The following TEX11 variants were observed in gnomAD, a reference collection of about 807,000 sequenced individuals.
TEX11 encodes testis-expressed protein 11.
In TEX11, 7 loss-of-function variants were observed where a neutral mutation model predicts 84.4. The ratio of observed to expected loss-of-function variants is 0.08; its 90% CI spans 0.05 to 0.16. The LOEUF is 0.16. Among genes scored for constraint, TEX11 ranks in the 10% least tolerant of loss-of-function variants. The pLI is 1.00. For synonymous variants in TEX11, 264 were observed against 222.8 expected (o/e 1.18, Z -1.64); for missense variants, 551 against 660.5 (o/e 0.83, Z 1.82).
chrX:70,678,906 G>C lies in TEX11; in HGVS notation c.1157-17C>G. On this transcript the variant is annotated splice_polypyrimidine_tract_variant and intron_variant, in intron 14 of 29. Coordinates refer to ENST00000374333, the MANE Select transcript of TEX11 (RefSeq NM_031276.3). ...TTTGGTGAGCTGAAAAAAAAAAAAA[G>C]CTCTGAAAATAAGAATCTCGGTCTA... 1 of 953,472 alleles carries C rather than the reference G, an allele frequency of 1.0e-6. No individual in the cohort carries two copies. The highest frequency in any genetic ancestry group is 2.1e-5 in the South Asian group (1 of 47,016). 78.6% of individuals were successfully genotyped at this position (953,472 alleles called of 1,213,427 possible).
chrX:70,611,345 G>T (rs1438566987), intron 20 of TEX11, among the ~76,000 whole-genome samples: 1 of 111,787 alleles, frequency 8.9e-6, no homozygotes, highest in Non-Finnish European at 1.9e-5. Flanking sequence ...GGGAGTCATA[G>T]CTTACTAGAG....
chrX:70,838,110 T>A (rs897083655), intron 7 of TEX11, among the ~76,000 whole-genome samples: 16 of 112,186 alleles, frequency 1.4e-4, no homozygotes, highest in Admixed American at 2.9e-4. Flanking sequence ...TTCAAAATTT[T>A]AAAAAATTTT....
intron 9 of TEX11, among the ~76,000 whole-genome samples, chrX:70,782,652 A>AAAAAAAAAAAAAAAAAAAAC (rs1569439773): frequency 9.8e-6 from 1 of 102,310 alleles, no homozygotes; most frequent in African/African-American, 3.6e-5. Context: ...AAGCAAAAAA[A>AAAAAAAAAAAAAAAAAAAAC]AAAAAAAAAA....
At chrX:70,814,302 T>C (rs2091274918) in intron 8 of TEX11, among the ~76,000 whole-genome samples, 1 of 111,231 alleles carries the variant, frequency 9.0e-6, no homozygotes. Context: ...ATACCACACA[T>C]CTACAACCAT....
chrX:70,724,812 A>G (rs1023898991), intron 12 of TEX11, among the ~76,000 whole-genome samples: 2 of 111,715 alleles, frequency 1.8e-5, no homozygotes, highest in Admixed American at 1.9e-4. Flanking sequence ...AGCAAAGTTA[A>G]GTGACTTGCC....
chrX:70,520,309 A>G, the TEX11 span, among the ~76,000 whole-genome samples: 2 of 111,294 alleles, frequency 1.8e-5, no homozygotes, highest in African/African-American at 6.5e-5. Context: ...TTTGGTGTGG[A>G]TGTCCTTTTT....
intron 17 of TEX11, among the ~76,000 whole-genome samples, chrX:70,644,800 A>T (rs1429331886): frequency 2.1e-5 from 2 of 93,158 alleles, no homozygotes; most frequent in Non-Finnish European, 4.3e-5. Context: ...GAGGGATAGC[A>T]TTGGGAGATA....
chrX:70,594,304 G>A (rs2088975031), intron 24 of TEX11, among the ~76,000 whole-genome samples: 1 of 111,222 alleles, frequency 9.0e-6, no homozygotes, highest in Admixed American at 9.7e-5. Context: ...AGATGTCCCT[G>A]GATAAATAAG....
At chrX:70,798,682 T>A (rs1167284336) in intron 9 of TEX11, among the ~76,000 whole-genome samples, 1 of 111,709 alleles carries the variant, frequency 9.0e-6, no homozygotes, top group African/African-American at 3.2e-5. Context: ...TAGAACAAAA[T>A]CCACATATTT....
At chrX:70,816,980 T>C (rs1252773808) in intron 8 of TEX11, among the ~76,000 whole-genome samples, 1 of 110,008 alleles carries the variant, frequency 9.1e-6, no homozygotes, top group East Asian at 2.8e-4. Context: ...AATACATAAA[T>C]ACATTAAGGA....
At chrX:70,887,713 G>A (rs2147878172) in intron 2 of TEX11, among the ~76,000 whole-genome samples, 1 of 112,549 alleles carries the variant, frequency 8.9e-6, no homozygotes, top group South Asian at 3.7e-4. Flanking sequence ...GAGCTCTAGG[G>A]CCTTGAGTGA....
chrX:70,644,929 A>C lies in TEX11; in HGVS notation c.1483+6521T>G, dbSNP rs189675729. ...CTAAAACTTAAAGTATAATAAAAAA[A>C]ATTAAAAAAAGATAAATAAAATAAA... On this transcript the variant is annotated intron_variant, in intron 17 of 29. Coordinates refer to ENST00000374333, the MANE Select transcript of TEX11 (RefSeq NM_031276.3). Among the ~76,000 whole-genome samples, 708 of 109,507 alleles carry C rather than the reference A, an allele frequency of 6.5e-3. 6 individuals are homozygous for C. The highest frequency in any genetic ancestry group is 0.023 in the African/African-American group (674 of 29,901).
chrX:70,690,798 A>G (rs190879353), intron 13 of TEX11, among the ~76,000 whole-genome samples: 1 of 111,935 alleles, frequency 8.9e-6, no homozygotes, highest in Non-Finnish European at 1.9e-5. Flanking sequence ...AATAATTACA[A>G]ATAATGTAAA....
chrX:70,559,651 T>C (rs1428469684), intron 25 of TEX11, among the ~76,000 whole-genome samples: 2 of 112,645 alleles, frequency 1.8e-5, no homozygotes, highest in African/African-American at 3.2e-5. Flanking sequence ...ATGTCTGTCA[T>C]ATTCATAAAT....
intron 11 of TEX11, among the ~76,000 whole-genome samples, chrX:70,727,118 A>T (rs1373045638): frequency 9.0e-6 from 1 of 111,431 alleles, no homozygotes; most frequent in African/African-American, 3.3e-5. Flanking sequence ...GGGCCAGATA[A>T]AGTTAAGTAA....
At chrX:70,715,288 G>C (rs954611719) in intron 13 of TEX11, among the ~76,000 whole-genome samples, 2 of 110,320 alleles carry the variant, frequency 1.8e-5, no homozygotes, top group Non-Finnish European at 3.8e-5. Flanking sequence ...TGCTCTTCTC[G>C]AGGTGTATCT....
intron 8 of TEX11, among the ~76,000 whole-genome samples, chrX:70,812,381 G>C (rs2091261432): frequency 9.1e-6 from 1 of 110,100 alleles, no homozygotes; most frequent in African/African-American, 3.3e-5. Context: ...CTAATTTTTT[G>C]TATTTTCAGT....
chrX:70,689,685 G>A (rs1054188182), intron 13 of TEX11, among the ~76,000 whole-genome samples: 4 of 111,822 alleles, frequency 3.6e-5, no homozygotes, highest in Non-Finnish European at 3.8e-5. Context: ...TCCCAAGTCC[G>A]TATTGATATA....
At chrX:70,723,846 G>A (rs1395606070) in intron 12 of TEX11, among the ~76,000 whole-genome samples, 1 of 111,735 alleles carries the variant, frequency 8.9e-6, no homozygotes, top group Admixed American at 9.6e-5. Context: ...TAAGAGTAAA[G>A]TATTTTCACC....
Sources: gnomAD v4.1 joint callset for allele counts (sites outside exome capture counted in the v4.1 genomes callset) on GRCh38, gnomAD v4.1.1 for gene constraint, MANE v1.5 for transcripts, NCBI Gene and HGNC (gene_info 2026-07-23, HGNC 2026-07-21) for gene names.